The following ADAM28 variants were observed in gnomAD, a reference collection of about 807,000 sequenced individuals.
ADAM28 encodes disintegrin and metalloproteinase domain-containing protein 28.
ADAM28 carries 105 observed loss-of-function variants against 101.2 expected under a neutral mutation model. The observed-to-expected ratio is 1.04, with a 90% CI of 0.89 to 1.22. ADAM28 has a LOEUF of 1.22. ADAM28 is among the 50% of genes most tolerant of loss of function. The pLI, the probability that ADAM28 is intolerant of heterozygous loss-of-function variation, is 0.00. For missense variants in ADAM28, 1,028 were observed against 945.4 expected, an observed-to-expected ratio of 1.09 and a Z score of -1.15; for synonymous variants, 322 against 310.6, an observed-to-expected ratio of 1.04 and a Z score of -0.39.
intron 18 of ADAM28, among the ~76,000 whole-genome samples, chr8:24,344,410 A>G (rs536967765): frequency 6.6e-6 from 1 of 152,262 alleles, no homozygotes; most frequent in South Asian, 2.1e-4. Flanking sequence ...CTGTTTGCAG[A>G]AACGGAGAAA....
At chr8:24,299,910 G>A (rs1808480636) in intron 1 of ADAM28, 64 bp from the exon 2 acceptor site, 1 of 1,228,634 alleles carries the variant, frequency 8.1e-7, no homozygotes. Flanking sequence ...AGTAAGGATG[G>A]CCTTTACTGA....
intron 6 of ADAM28, among the ~76,000 whole-genome samples, chr8:24,317,709 A>G (rs1811343590): frequency 6.6e-6 from 1 of 152,066 alleles, no homozygotes; most frequent in Non-Finnish European, 1.5e-5. Context: ...AAGCTTCTGC[A>G]CAGCAAAGCA....
At chr8:24,303,736 A>T (rs1809156000) in intron 2 of ADAM28, among the ~76,000 whole-genome samples, 1 of 152,216 alleles carries the variant, frequency 6.6e-6, no homozygotes, top group Admixed American at 6.5e-5. Flanking sequence ...TGTGGGCAGT[A>T]TGGCTATTTT....
At chr8:24,330,870 A>T (rs528886644) in intron 11 of ADAM28, among the ~76,000 whole-genome samples, 6 of 152,138 alleles carry the variant, frequency 3.9e-5, no homozygotes, top group African/African-American at 1.4e-4. Flanking sequence ...AGGTCTTTAC[A>T]TCTCCCAGAT....
In ADAM28 at chr8:24,339,576, G is replaced by A. The variant is rs1156795822; in HGVS notation, c.1670+8G>A. ...CATTCCCTGCAAAGCAAAGTAAGTG[G>A]CCTTGTCTGAACCTTCCTGCTTCAC... On this transcript the variant is annotated splice_region_variant and intron_variant, in intron 15 of 22. Coordinates refer to ENST00000265769, the MANE Select transcript of ADAM28 (RefSeq NM_014265.6). 3 of 1,607,412 alleles carry A rather than the reference G, an allele frequency of 1.9e-6. No homozygotes were observed. The highest frequency in any genetic ancestry group is 1.7e-5 in the Admixed American group (1 of 59,430).
chr8:24,358,390 G>GA lies in ADAM28; in HGVS notation c.*3991dup, dbSNP rs1317614817. ...TACACTAGCATCTGGATGTAATATGGAAAAATATGGAAATGGTTGGGGTGA... is the reference window on the plus strand; with the variant it reads ...TACACTAGCATCTGGATGTAATATGGAAAAAATATGGAAATGGTTGGGGTGA... On this transcript the variant is annotated 3_prime_UTR_variant, in exon 23 of 23. Coordinates refer to ENST00000265769, the MANE Select transcript of ADAM28 (RefSeq NM_014265.6). The GA allele has an allele frequency of 6.6e-6, 1 of 152,176 alleles. No individual in the cohort carries two copies. The highest frequency in any genetic ancestry group is 1.5e-5 in the Non-Finnish European group (1 of 68,038). 9.4% of individuals were successfully genotyped at this position (152,176 alleles called of 1,614,324 possible).
At chr8:24,322,876 T>A (rs1249344498) in intron 8 of ADAM28, among the ~76,000 whole-genome samples, 1 of 151,986 alleles carries the variant, frequency 6.6e-6, no homozygotes, top group Non-Finnish European at 1.5e-5. Flanking sequence ...TTAGAAACTA[T>A]AGTAGTAATT....
chr8:24,312,060 C>T (rs1810532689), intron 5 of ADAM28, among the ~76,000 whole-genome samples: 1 of 152,096 alleles, frequency 6.6e-6, no homozygotes, highest in East Asian at 1.9e-4. Flanking sequence ...TTTAAGCTCT[C>T]ACTCGCTCTC....
At chr8:24,313,304 A>G in intron 5 of ADAM28, 84 bp from the exon 6 acceptor site, 1 of 1,285,414 alleles carries the variant, frequency 7.8e-7, no homozygotes, top group Non-Finnish European at 1.0e-6. Context: ...GGAATTTTAA[A>G]GGTCCTCTTT....
intron 20 of ADAM28, 73 bp downstream of exon 20, chr8:24,351,383 CCTAT>C (rs779669094): frequency 1.4e-6 from 2 of 1,411,892 alleles, no homozygotes; most frequent in Non-Finnish European, 2.0e-6. Flanking sequence ...ATCCTGACTA[CCTAT>C]CTATCATTTC....
At chr8:24,343,887 G>A (rs764402513) in intron 18 of ADAM28, among the ~76,000 whole-genome samples, 8 of 152,026 alleles carry the variant, frequency 5.3e-5, no homozygotes, top group Non-Finnish European at 1.0e-4. Context: ...CAAGTTAATG[G>A]AAAAATGTAA....
intron 17 of ADAM28, 34 bp downstream of exon 17, chr8:24,343,215 T>C (rs1814997540): frequency 6.3e-7 from 1 of 1,599,472 alleles, no homozygotes. Context: ...CTAAGCTCTC[T>C]GAATCTTATG....
At position 24,306,355 on chromosome 8, in the gene ADAM28, A is replaced by ATAT. The variant is rs1489348958; in HGVS notation, c.151-3539_151-3538insTAT. On this transcript the variant is annotated intron_variant, in intron 2 of 22. Coordinates refer to ENST00000265769, the MANE Select transcript of ADAM28 (RefSeq NM_014265.6). The stretch of plus-strand genomic sequence containing the variant: ...TGAGACTCCATCTCAAATACAAATA[A>ATAT]ATAAATAAATATATATATATATATA... Among the ~76,000 whole-genome samples the ATAT allele has an allele frequency of 2.1e-3, 227 of 107,736 alleles. 6 individuals carry two copies. The highest frequency in any genetic ancestry group is 7.6e-3 in the African/African-American group (194 of 25,652). 70.7% of individuals were successfully genotyped at this position (107,736 alleles called of 152,430 possible).
chr8:24,308,889 G>A (rs1810056929), intron 2 of ADAM28: 1 of 331,932 alleles, frequency 3.0e-6, no homozygotes, highest in African/African-American at 2.2e-5. Flanking sequence ...CAGAAGGGGA[G>A]GGAGAGAAGG....
At chr8:24,312,107 TTCTG>T (rs940355931) in intron 5 of ADAM28, among the ~76,000 whole-genome samples, 2 of 152,150 alleles carry the variant, frequency 1.3e-5, no homozygotes. Flanking sequence ...TGACATACCA[TTCTG>T]TCTGTTAATG....
chr8:24,345,958 T>G (rs1181283002), intron 18 of ADAM28, among the ~76,000 whole-genome samples: 1 of 151,716 alleles, frequency 6.6e-6, no homozygotes, highest in Non-Finnish European at 1.5e-5. Flanking sequence ...CCAAGCCTTG[T>G]TTTTTTTAGG....
chr8:24,332,083 C>T (rs1585664530), intron 12 of ADAM28, among the ~76,000 whole-genome samples: 1 of 151,996 alleles, frequency 6.6e-6, no homozygotes, highest in East Asian at 1.9e-4. Flanking sequence ...ATATTGTAAC[C>T]CTGAAACTCT....
In ADAM28 at chr8:24,357,313, A is replaced by G. The variant is rs1243021882; in HGVS notation, c.*2909A>G. 6.6e-6 allele frequency: 1 copy of G among 152,214 alleles called. No individual in the cohort carries two copies. The highest frequency in any genetic ancestry group is 2.4e-5 in the African/African-American group (1 of 41,452). 9.4% of individuals were successfully genotyped at this position (152,214 alleles called of 1,614,324 possible). On this transcript the variant is annotated 3_prime_UTR_variant, in exon 23 of 23. Coordinates refer to ENST00000265769, the MANE Select transcript of ADAM28 (RefSeq NM_014265.6). ...CAGCAATAGATAGCTGATACAAGGA[A>G]GTAGAGAACAAACATTTTCTATTAG...
chr8:24,332,526 TA>T (rs1813485989), intron 12 of ADAM28, 133 bp from the exon 13 acceptor site: 1 of 416,080 alleles, frequency 2.4e-6, no homozygotes, highest in African/African-American at 2.1e-5. Flanking sequence ...TAATTTTTTT[TA>T]TATTTTTTGA....
Sources: gnomAD v4.1 joint callset for allele counts (sites outside exome capture counted in the v4.1 genomes callset) on GRCh38, gnomAD v4.1.1 for gene constraint, MANE v1.5 for transcripts, NCBI Gene and HGNC (gene_info 2026-07-23, HGNC 2026-07-21) for gene names.